DCBLD1: variants seen among roughly 807,000 people sequenced by gnomAD.
DCBLD1 encodes discoidin, CUB and LCCL domain containing 1, also known as discoidin, CUB and LCCL domain-containing protein 1.
A neutral mutation model predicts 71.5 loss-of-function variants in DCBLD1; 57 were observed. That is an observed-to-expected ratio of 0.80 (90% CI 0.64 to 0.99). The LOEUF (loss-of-function observed/expected upper bound fraction) is 0.99, where lower values mean the gene tolerates loss of function less well. Ranked by LOEUF, DCBLD1 falls within the 50% of genes least tolerant of loss-of-function variation. The probability of loss-of-function intolerance (pLI) is 0.00; values close to 1 mark genes in which losing one functional copy is unlikely to be tolerated. For synonymous variants in DCBLD1, 380 were observed against 363.8 expected, an observed-to-expected ratio of 1.04 and a Z score of -0.51; for missense variants, 891 against 923.5, an observed-to-expected ratio of 0.96 and a Z score of 0.46.
At position 117,482,674 on chromosome 6, in the gene DCBLD1, G is replaced by A; in HGVS notation, c.-108G>A. The A allele has an allele frequency of 9.3e-7, 1 of 1,074,542 alleles. No homozygotes were observed. The allele number at this position is 1,074,542 out of a possible 1,614,324, so 66.6% of individuals were successfully genotyped here. ...CGGTGCGGGGCAGCGACTGCGCCCC[G>A]TCCCGGCGCCGCGCTCGTCCGCAGA... On this transcript the variant is annotated 5_prime_UTR_variant, in exon 1 of 15. Transcript: ENST00000338728.
Position 117,540,970 on chromosome 6 carries a change from TAAGA to T in DCBLD1, c.1308_1311del (p.Glu437MetfsTer17), listed in dbSNP as rs763713760. The T allele has an allele frequency of 1.2e-6, 2 of 1,614,044 alleles. No homozygotes were observed. On this transcript the variant is annotated frameshift_variant, in exon 11 of 15. Transcript: ENST00000338728. LOFTEE classifies it high-confidence loss of function. Reference sequence around the variant, plus strand: ...CAAGTCAAAGCACCAGTGTTTCAACTAAGAAAGAAGATGAGACAATCACAAGGCC... The same window carrying T: ...CAAGTCAAAGCACCAGTGTTTCAACTAAGAAGATGAGACAATCACAAGGCC...
downstream of DCBLD1, among the ~76,000 whole-genome samples, chr6:117,553,304 T>C (rs1249602557): frequency 6.6e-6 from 1 of 152,228 alleles, no homozygotes; most frequent in Non-Finnish European, 1.5e-5. Context: ...TGCTGATTCC[T>C]CTTCTCACAA....
chr6:117,502,575 G>A (rs1387261403), intron 1 of DCBLD1, among the ~76,000 whole-genome samples: 3 of 152,208 alleles, frequency 2.0e-5, no homozygotes, highest in Admixed American at 2.0e-4. Context: ...GAAGAGGCTG[G>A]GAGGGAAGAG....
chr6:117,482,959 G>GCGGGC (rs568118087), intron 1 of DCBLD1, 66 bp downstream of exon 1: 36,177 of 634,708 alleles, frequency 0.057, 729 homozygotes, highest in Non-Finnish European at 0.062. Flanking sequence ...GGGCTGCGGG[G>GCGGGC]CGGGCCGGGC....
At position 117,549,724 on chromosome 6, in the gene DCBLD1, G is replaced by A. The variant is rs1325905079; in HGVS notation, c.*1285G>A. The A allele has an allele frequency of 1.0e-6, 1 of 985,322 alleles. No individual in the cohort carries two copies. The highest frequency in any genetic ancestry group is 1.7e-5 in the African/African-American group (1 of 57,214). 61.0% of individuals were successfully genotyped at this position (985,322 alleles called of 1,614,324 possible). A position where few individuals can be genotyped will look rare whatever the true frequency, so the allele number is the denominator to read the frequency against. On this transcript the variant is annotated 3_prime_UTR_variant, in exon 15 of 15. Transcript: ENST00000338728. The stretch of plus-strand genomic sequence containing the variant: ...AGACTAGCTGCTGGTTAGTGTGGAG[G>A]GGAAATGGTTTACTTTGTAGAGTTT...
chr6:117,556,720 C>A (rs1206022794), intron 14 of DCBLD1, among the ~76,000 whole-genome samples: 2 of 152,046 alleles, frequency 1.3e-5, no homozygotes, highest in African/African-American at 4.8e-5. Flanking sequence ...TAATTTCTTT[C>A]TTTCTTTGGG....
At chr6:117,483,743 G>C (rs1776987248) in intron 1 of DCBLD1, among the ~76,000 whole-genome samples, 1 of 150,404 alleles carries the variant, frequency 6.6e-6, no homozygotes. Flanking sequence ...CTGCCGAGTT[G>C]TTTCAGTGTT....
chr6:117,483,163 C>G (rs551161902), intron 1 of DCBLD1, among the ~76,000 whole-genome samples: 3 of 152,204 alleles, frequency 2.0e-5, no homozygotes, highest in Non-Finnish European at 4.4e-5. Context: ...GGCGTCTCTG[C>G]ACTTTCTCTC....
At chr6:117,563,578 C>T (rs1448729733) in intron 14 of DCBLD1, among the ~76,000 whole-genome samples, 1 of 151,752 alleles carries the variant, frequency 6.6e-6, no homozygotes, top group Non-Finnish European at 1.5e-5. Context: ...AAAAATTCGC[C>T]GGGCATGGTG....
At chr6:117,554,954 G>C (rs538488902) in intron 14 of DCBLD1, among the ~76,000 whole-genome samples, 5 of 151,930 alleles carry the variant, frequency 3.3e-5, no homozygotes, top group African/African-American at 9.6e-5. Flanking sequence ...ATCTTGATCA[G>C]ATATTATTAG....
Position 117,549,135 on chromosome 6 carries a change from G to A in DCBLD1, c.*696G>A. The A allele has an allele frequency of 2.3e-5, 23 of 985,642 alleles. No homozygotes were observed. Among genetic ancestry groups the A allele is most frequent in the Non-Finnish European group, 2.7e-5 (22 of 830,108 alleles). 61.1% of individuals were successfully genotyped at this position (985,642 alleles called of 1,614,324 possible). ...TTCCTTAGTCTCCACTTCAGAGGGG[G>A]ATGCGAAGAGGTCGGCCCAGCTCCG... On this transcript the variant is annotated 3_prime_UTR_variant, in exon 15 of 15. Coordinates refer to ENST00000338728, the MANE Select transcript of DCBLD1 (RefSeq NM_001366458.2).
chr6:117,530,319 G>T (rs1322708184), intron 5 of DCBLD1, among the ~76,000 whole-genome samples: 1 of 152,180 alleles, frequency 6.6e-6, no homozygotes, highest in Non-Finnish European at 1.5e-5. Flanking sequence ...ATGGTTTCAG[G>T]ATGAAAGTGT....
At chr6:117,506,515 A>G (rs548870948) in intron 2 of DCBLD1, among the ~76,000 whole-genome samples, 1 of 152,366 alleles carries the variant, frequency 6.6e-6, no homozygotes, top group Admixed American at 6.5e-5. Flanking sequence ...TGTTGTGGCT[A>G]CTTTAAAGAT....
chr6:117,490,500 C>G (rs1777255222), intron 1 of DCBLD1, among the ~76,000 whole-genome samples: 1 of 152,132 alleles, frequency 6.6e-6, no homozygotes, highest in South Asian at 2.1e-4. Flanking sequence ...TTATATTATT[C>G]AAATTACTCT....
chr6:117,489,884 CA>C (rs908430478), intron 1 of DCBLD1, among the ~76,000 whole-genome samples: 5 of 150,790 alleles, frequency 3.3e-5, no homozygotes, highest in African/African-American at 1.2e-4. Context: ...GACTCCGTCT[CA>C]AAAAAAAAGA....
intron 1 of DCBLD1, among the ~76,000 whole-genome samples, chr6:117,498,490 C>A (rs1036494423): frequency 1.3e-5 from 2 of 152,142 alleles, no homozygotes; most frequent in Non-Finnish European, 2.9e-5. Flanking sequence ...CTTCCTCCTC[C>A]CCTCTTCATT....
At chr6:117,506,162 CCT>C (rs1188049602) in intron 2 of DCBLD1, among the ~76,000 whole-genome samples, 1 of 152,044 alleles carries the variant, frequency 6.6e-6, no homozygotes, top group East Asian at 1.9e-4. Context: ...TCTAGAATCC[CCT>C]AATCCACCTT....
intron 2 of DCBLD1, among the ~76,000 whole-genome samples, chr6:117,504,662 A>G (rs1390333600): frequency 2.0e-5 from 3 of 152,222 alleles, no homozygotes. Flanking sequence ...TCAGTTTCCT[A>G]AATAGCCTTT....
At chr6:117,569,625 C>A in exon 15 of DCBLD1, 1 of 1,613,128 alleles carries the variant, frequency 6.2e-7, no homozygotes, top group Non-Finnish European at 8.5e-7. Flanking sequence ...CTTAGGTTAA[C>A]TCCGTTGACT....
Sources: gnomAD v4.1 joint callset for allele counts (sites outside exome capture counted in the v4.1 genomes callset) on GRCh38, gnomAD v4.1.1 for gene constraint, MANE v1.5 for transcripts, NCBI Gene and HGNC (gene_info 2026-07-23, HGNC 2026-07-21) for gene names.